The following PPP2R5C variants were observed in gnomAD, a reference collection of about 807,000 sequenced individuals.
PPP2R5C encodes serine/threonine-protein phosphatase 2A 56 kDa regulatory subunit gamma isoform.
PPP2R5C carries 7 observed loss-of-function variants against 68.9 expected under a neutral mutation model. The ratio of observed to expected loss-of-function variants is 0.10; its 90% CI spans 0.06 to 0.19. PPP2R5C has a LOEUF of 0.19. PPP2R5C is among the 10% of genes least tolerant of loss of function. The pLI, the probability that PPP2R5C is intolerant of heterozygous loss-of-function variation, is 1.00. For missense variants in PPP2R5C, 348 were observed against 641.3 expected, an observed-to-expected ratio of 0.54 and a Z score of 4.94; for synonymous variants, 210 against 222.2, an observed-to-expected ratio of 0.95 and a Z score of 0.49.
intron 2 of PPP2R5C, among the ~76,000 whole-genome samples, chr14:101,869,599 CTT>C (rs1171675033): frequency 1.3e-5 from 2 of 152,090 alleles, no homozygotes; most frequent in Admixed American, 6.6e-5. Context: ...GTCATCAGTC[CTT>C]TTATCTCATT....
intron 1 of PPP2R5C, chr14:101,810,045 T>C (rs929691641): frequency 1.9e-6 from 3 of 1,611,842 alleles, no homozygotes; most frequent in African/African-American, 2.7e-5. Flanking sequence ...AGGTAAGTTA[T>C]TGTGTGTTTC....
intron 3 of PPP2R5C, among the ~76,000 whole-genome samples, chr14:101,800,956 A>C (rs2038838972): frequency 1.3e-5 from 2 of 152,358 alleles, no homozygotes; most frequent in African/African-American, 4.8e-5. Context: ...GTGTTACGTG[A>C]AATAAGCCAG....
intron 13 of PPP2R5C, chr14:101,922,180 A>G: frequency 1.0e-6 from 1 of 985,418 alleles, no homozygotes; most frequent in Non-Finnish European, 1.2e-6. Flanking sequence ...GATGGTCAAA[A>G]CAAAGAAAGA....
chr14:101,784,515 G>C (rs1203218582), intron 2 of PPP2R5C, among the ~76,000 whole-genome samples: 1 of 150,136 alleles, frequency 6.7e-6, no homozygotes, highest in Non-Finnish European at 1.5e-5. Flanking sequence ...GAAAGTGGGG[G>C]GGGGGAACTG....
At chr14:101,826,707 T>G (rs1324365937) in intron 1 of PPP2R5C, among the ~76,000 whole-genome samples, 3 of 152,198 alleles carry the variant, frequency 2.0e-5, no homozygotes, top group Admixed American at 1.3e-4. Flanking sequence ...CAATGTTCCT[T>G]GTCTCTTTCT....
intron 1 of PPP2R5C, chr14:101,820,215 TG>T (rs2039966684): frequency 6.6e-6 from 1 of 152,234 alleles, no homozygotes; most frequent in Non-Finnish European, 1.5e-5. Context: ...ACTGCGACAC[TG>T]TTTTTGGCCC....
In PPP2R5C at chr14:101,917,132, A is replaced by G. The variant is rs1273310378; in HGVS notation, c.1327-699A>G. On this transcript the variant is annotated intron_variant, in intron 12 of 13. Transcript: ENST00000334743. This position sits in a 1 kb window ranked among gnomAD's most constrained non-coding sequence, Gnocchi z 4.4. The stretch of plus-strand genomic sequence containing the variant: ...CCCTCCGGGGTGACCTTACCCCCGC[A>G]CTACACTCATGGAAATGGAGTCAAC... 6.6e-6 allele frequency among the ~76,000 whole-genome samples: 1 copy of G among 151,996 alleles called. No individual in the cohort carries two copies. Among genetic ancestry groups the G allele is most frequent in the Non-Finnish European group, 1.5e-5 (1 of 67,976 alleles).
At chr14:101,871,388 C>T (rs1254367148) in intron 2 of PPP2R5C, among the ~76,000 whole-genome samples, 1 of 152,052 alleles carries the variant, frequency 6.6e-6, no homozygotes, top group Admixed American at 6.6e-5. Context: ...GGACTACAGG[C>T]GCCCACCACC....
At chr14:101,763,177 G>A (rs565617099) in intron 2 of PPP2R5C, among the ~76,000 whole-genome samples, 5 of 151,706 alleles carry the variant, frequency 3.3e-5, no homozygotes, top group African/African-American at 1.2e-4. Flanking sequence ...TATGAAAATT[G>A]TGCTTGCCTA....
intron 2 of PPP2R5C, among the ~76,000 whole-genome samples, chr14:101,870,493 G>C (rs1566925272): frequency 6.6e-6 from 1 of 152,178 alleles, no homozygotes; most frequent in South Asian, 2.1e-4. Flanking sequence ...TCTGGACTCT[G>C]TCCTGTCGCG....
chr14:101,825,249 T>TGTGTGTGTGTG lies in PPP2R5C; in HGVS notation c.94+15213_94+15214insGTGTGTGTGTG, dbSNP rs1566875325. Among the ~76,000 whole-genome samples the TGTGTGTGTGTG allele has an allele frequency of 2.9e-5, 4 of 139,622 alleles. No individual in the cohort carries two copies. Among genetic ancestry groups the TGTGTGTGTGTG allele is most frequent in the African/African-American group, 5.2e-5 (2 of 38,672 alleles). 91.6% of individuals were successfully genotyped at this position (139,622 alleles called of 152,430 possible). On this transcript the variant is annotated intron_variant, in intron 1 of 13. Coordinates refer to ENST00000334743, the Ensembl canonical transcript of PPP2R5C. The surrounding 1 kb of genome is among the most constrained non-coding windows in gnomAD (Gnocchi z 4.0). ...GTGTGTGTGTGTGTGTGTGTGTGTGTTGATGAATTTATTACTTATTAAAAA... is the reference window on the plus strand; with the variant it reads ...GTGTGTGTGTGTGTGTGTGTGTGTGTGTGTGTGTGTGTGATGAATTTATTACTTATTAAAAA...
rs1360449708 is a variant in PPP2R5C, at chr14:101,916,647, A to G, written c.1327-1184A>G. Among the ~76,000 whole-genome samples, 1 of 146,732 alleles carries G rather than the reference A, an allele frequency of 6.8e-6. No individual in the cohort carries two copies. The highest frequency in any genetic ancestry group is 2.5e-5 in the African/African-American group (1 of 40,256). On this transcript the variant is annotated intron_variant, in intron 12 of 13. Transcript: ENST00000334743. The surrounding 1 kb of genome is among the most constrained non-coding windows in gnomAD (Gnocchi z 5.5). Reference sequence around the variant, plus strand: ...TGGCTCCGTCAGAGGATGAGGGCCAACACCAGACGGTGGCTGAGAACGGAG... The same window carrying G: ...TGGCTCCGTCAGAGGATGAGGGCCAGCACCAGACGGTGGCTGAGAACGGAG...
intron 2 of PPP2R5C, among the ~76,000 whole-genome samples, chr14:101,779,300 G>A (rs1468549395): frequency 2.0e-5 from 3 of 152,138 alleles, no homozygotes; most frequent in African/African-American, 7.2e-5. Context: ...AACAAGCTCA[G>A]AATCTCTTTG....
intron 3 of PPP2R5C, among the ~76,000 whole-genome samples, chr14:101,799,645 G>C (rs2038773695): frequency 6.6e-6 from 1 of 152,202 alleles, no homozygotes; most frequent in Non-Finnish European, 1.5e-5. Flanking sequence ...TGGAGACCCA[G>C]TTGAACTCTG....
chr14:101,883,983 T>C (rs1262922999), intron 5 of PPP2R5C, among the ~76,000 whole-genome samples: 1 of 152,108 alleles, frequency 6.6e-6, no homozygotes, highest in Admixed American at 6.5e-5. Context: ...ACTCACACGA[T>C]CACAAGGTGA....
At position 101,876,142 on chromosome 14, in the gene PPP2R5C, AAT is replaced by A. The variant is rs71464698; in HGVS notation, c.295-6008_295-6007del. Among the ~76,000 whole-genome samples, 506 of 152,016 alleles carry A rather than the reference AAT, an allele frequency of 3.3e-3. 4 individuals carry two copies. The highest frequency in any genetic ancestry group is 0.027 in the Middle Eastern group (8 of 292). On this transcript the variant is annotated intron_variant, in intron 2 of 13. Transcript: ENST00000334743. Reference sequence around the variant, plus strand: ...CAAACAAATGACAATTTTGTACTTAAATATATATATATTGCGAAGGGGCTTAA... The same window carrying A: ...CAAACAAATGACAATTTTGTACTTAAATATATATATTGCGAAGGGGCTTAA...
intron 3 of PPP2R5C, among the ~76,000 whole-genome samples, chr14:101,794,980 A>C (rs937620472): frequency 6.6e-6 from 1 of 152,224 alleles, no homozygotes; most frequent in Non-Finnish European, 1.5e-5. Flanking sequence ...TTGACTAATA[A>C]ATTCAGTAAA....
intron 1 of PPP2R5C, chr14:101,836,294 A>G (rs1268210869): frequency 4.3e-6 from 3 of 702,714 alleles, no homozygotes; most frequent in East Asian, 2.7e-5. Flanking sequence ...CCCCCAAAGC[A>G]TGGACGGAGC....
intron 2 of PPP2R5C, among the ~76,000 whole-genome samples, chr14:101,773,830 G>A (rs531381398): frequency 6.6e-6 from 1 of 152,312 alleles, no homozygotes; most frequent in East Asian, 1.9e-4. Flanking sequence ...AAGTGGCTGA[G>A]ATACAGGTGC....
Sources: gnomAD v4.1 joint callset for allele counts (sites outside exome capture counted in the v4.1 genomes callset) on GRCh38, gnomAD v4.1.1 for gene constraint, Gnocchi (gnomAD v3.1) non-coding constraint, MANE v1.5 for transcripts, NCBI Gene and HGNC (gene_info 2026-07-23, HGNC 2026-07-21) for gene names.